The following ZNF680 variants were observed in gnomAD, a reference collection of about 807,000 sequenced individuals.
The protein encoded by ZNF680 is hypothetical protein FLJ90430.
Under a neutral mutation model 12.1 loss-of-function variants are expected in ZNF680, and 6 were observed. The observed-to-expected ratio is 0.49, with a 90% CI of 0.27 to 0.98. The LOEUF is 0.98. ZNF680 is among the 50% of genes least tolerant of loss of function. The pLI is 0.12. For synonymous variants in ZNF680, 170 were observed against 199.3 expected (o/e 0.85, Z 1.24); for missense variants, 561 against 616.3 (o/e 0.91, Z 0.95).
intron 1 of ZNF680, among the ~76,000 whole-genome samples, chr7:64,558,656 T>C (rs986468637): frequency 6.6e-6 from 1 of 152,124 alleles, no homozygotes; most frequent in Non-Finnish European, 1.5e-5. Context: ...TTGTTACTGT[T>C]TTGAGGCAGT....
At chr7:64,504,637 ATT>A in the ZNF680 span, among the ~76,000 whole-genome samples, 1 of 152,220 alleles carries the variant, frequency 6.6e-6, no homozygotes, top group East Asian at 1.9e-4. Flanking sequence ...TGAATACAGC[ATT>A]CTCAGTGCCC....
At position 64,526,313 on chromosome 7, in the gene ZNF680, T is replaced by A. The variant is rs200281441; in HGVS notation, c.254-3813A>T. The A allele has an allele frequency of 3.1e-3, 3,692 of 1,184,072 alleles. 12 individuals carry two copies. The highest frequency in any genetic ancestry group is 3.1e-3 in the Non-Finnish European group (2,922 of 951,598). The allele number at this position is 1,184,072 out of a possible 1,614,324, so 73.3% of individuals were successfully genotyped here. ...TACTTGATTCAAGATTAGTGTACTT[T>A]AAAAACAGATAAAAATAAAGACTTT... is the stretch of plus-strand genomic sequence containing the variant. On this transcript the variant is annotated intron_variant, in intron 3 of 3. Coordinates refer to ENST00000309683, the MANE Select transcript of ZNF680 (RefSeq NM_178558.5).
At chr7:64,547,411 T>C (rs1245358387) in intron 1 of ZNF680, among the ~76,000 whole-genome samples, 1 of 152,242 alleles carries the variant, frequency 6.6e-6, no homozygotes, top group Non-Finnish European at 1.5e-5. Flanking sequence ...GGAGCAATGT[T>C]TGAATGAGTC....
chr7:64,561,891 C>T (rs1219971031), intron 1 of ZNF680, among the ~76,000 whole-genome samples: 11 of 133,446 alleles, frequency 8.2e-5, no homozygotes, highest in East Asian at 2.2e-4. Context: ...GCCGAGATCG[C>T]GCCACTGCAC....
At chr7:64,535,531 C>T (rs936706599) in intron 3 of ZNF680, among the ~76,000 whole-genome samples, 17 of 152,094 alleles carry the variant, frequency 1.1e-4, no homozygotes, top group African/African-American at 4.1e-4. Context: ...ATACGAGACT[C>T]ATTTTAGCAT....
chr7:64,524,093 C>G (rs1223446578), intron 3 of ZNF680, among the ~76,000 whole-genome samples: 1 of 151,600 alleles, frequency 6.6e-6, no homozygotes, highest in Non-Finnish European at 1.5e-5. Flanking sequence ...AAGTCAAAAA[C>G]TGTCATATTT....
At chr7:64,545,827 T>C (rs1202974702) in intron 1 of ZNF680, among the ~76,000 whole-genome samples, 1 of 152,228 alleles carries the variant, frequency 6.6e-6, no homozygotes, top group Non-Finnish European at 1.5e-5. Context: ...AGAACACAGA[T>C]GGATCCTCAA....
chr7:64,521,371 G>A lies in ZNF680; in HGVS notation c.1383C>T (p.Ser461=), dbSNP rs1287493508. 6.2e-7 allele frequency: 1 copy of A among 1,613,358 alleles called. No individual in the cohort carries two copies. Among genetic ancestry groups the A allele is most frequent in the Non-Finnish European group, 8.5e-7 (1 of 1,179,664 alleles). The change falls in exon 4 of 4, where the codon TCC becomes TCT. Residue 461 remains serine, a synonymous_variant. Transcript: ENST00000309683. ...CATTGCCACATTCATCACATTTGTA[G>A]GATTTCTCTCCAGTATGAATTACTT... The part of the protein sequence containing the change: ...NHKVIHTGEK[S]YKCDECGNVF...
chr7:64,552,286 CAA>C (rs1787121609), intron 1 of ZNF680, among the ~76,000 whole-genome samples: 1 of 152,226 alleles, frequency 6.6e-6, no homozygotes, highest in African/African-American at 2.4e-5. Context: ...CTCCTGACCT[CAA>C]GTGATCCACC....
chr7:64,506,302 C>T, the ZNF680 span, among the ~76,000 whole-genome samples: 1 of 151,648 alleles, frequency 6.6e-6, no homozygotes, highest in Non-Finnish European at 1.5e-5. Flanking sequence ...CCCGGGTTCA[C>T]GCCATTCTCC....
At chr7:64,548,927 C>G (rs1457315236) in intron 1 of ZNF680, among the ~76,000 whole-genome samples, 1 of 151,998 alleles carries the variant, frequency 6.6e-6, no homozygotes, top group Admixed American at 6.6e-5. Context: ...TTGAGACCAG[C>G]CTGGCCAACA....
intron 3 of ZNF680, among the ~76,000 whole-genome samples, chr7:64,541,132 G>T (rs1159635718): frequency 6.6e-6 from 1 of 151,504 alleles, no homozygotes; most frequent in Non-Finnish European, 1.5e-5. Context: ...CAAATATTTA[G>T]AAATTAGTTA....
chr7:64,560,796 A>G (rs1343705924), intron 1 of ZNF680: 1 of 148,480 alleles, frequency 6.7e-6, no homozygotes. Context: ...TGGGTGACAG[A>G]ATGAGACTGT....
chr7:64,537,526 A>G (rs941849778), intron 3 of ZNF680, among the ~76,000 whole-genome samples: 4 of 152,200 alleles, frequency 2.6e-5, no homozygotes, highest in Admixed American at 6.5e-5. Flanking sequence ...ATAACTAGCT[A>G]AACAACCATG....
intron 3 of ZNF680, among the ~76,000 whole-genome samples, chr7:64,535,061 T>C: frequency 6.6e-6 from 1 of 152,030 alleles, no homozygotes; most frequent in East Asian, 1.9e-4. Flanking sequence ...GTGTAGTGAA[T>C]ACTGCTTACG....
chr7:64,531,150 C>T (rs188673488), intron 3 of ZNF680, among the ~76,000 whole-genome samples: 308 of 152,186 alleles, frequency 2.0e-3, no homozygotes, highest in African/African-American at 6.0e-3. Context: ...ATATACAAAA[C>T]ATTCCATCCA....
intron 3 of ZNF680, 147 bp from the exon 4 acceptor site, chr7:64,522,647 AGTT>A: frequency 3.6e-6 from 2 of 557,522 alleles, no homozygotes; most frequent in Non-Finnish European, 5.4e-6. Flanking sequence ...AAAAAAAAAA[AGTT>A]ATGTACAAAT....
chr7:64,545,022 G>A (rs1562764564), intron 1 of ZNF680, among the ~76,000 whole-genome samples: 2 of 152,092 alleles, frequency 1.3e-5, no homozygotes, highest in Admixed American at 1.3e-4. Context: ...ACTCTGGGAG[G>A]CCGAGGCAGG....
the ZNF680 span, among the ~76,000 whole-genome samples, chr7:64,509,512 T>C: frequency 6.6e-6 from 1 of 152,238 alleles, no homozygotes; most frequent in Non-Finnish European, 1.5e-5. Flanking sequence ...ATTTTATGTA[T>C]AAAAGTTAAT....
Sources: gnomAD v4.1 joint callset for allele counts (sites outside exome capture counted in the v4.1 genomes callset) on GRCh38, gnomAD v4.1.1 for gene constraint, MANE v1.5 for transcripts, NCBI Gene and HGNC (gene_info 2026-07-23, HGNC 2026-07-21) for gene names.